BDP1: variants seen among roughly 807,000 people sequenced by gnomAD.
BDP1 encodes the protein BDP1 general transcription factor IIIB subunit.
A neutral mutation model predicts 266.6 loss-of-function variants in BDP1; 169 were observed. The ratio of observed to expected loss-of-function variants is 0.63; its 90% CI spans 0.56 to 0.72. The LOEUF (loss-of-function observed/expected upper bound fraction) is 0.72. Ranked by LOEUF, BDP1 falls within the 30% of genes least tolerant of loss-of-function variation. The pLI, the probability that BDP1 is intolerant of heterozygous loss-of-function variation, is 0.00. For synonymous variants in BDP1, 1,090 were observed against 1,022.4 expected (o/e 1.07, Z -1.26); for missense variants, 3,015 against 3,053.8 (o/e 0.99, Z 0.30).
At chr5:71,576,877 A>G in the BDP1 span, among the ~76,000 whole-genome samples, 67 of 151,264 alleles carry the variant, frequency 4.4e-4, no homozygotes, top group Non-Finnish European at 8.4e-4. Flanking sequence ...GGAAGGCAGC[A>G]TTCCCATTTA....
chr5:71,512,871 ACGCTG>A (rs1765005806), intron 18 of BDP1, among the ~76,000 whole-genome samples: 1 of 151,920 alleles, frequency 6.6e-6, no homozygotes, highest in Non-Finnish European at 1.5e-5. Flanking sequence ...CCTGGGCAAC[ACGCTG>A]TAGAAACCCC....
intron 24 of BDP1, 138 bp from the exon 25 acceptor site, chr5:71,523,801 C>A: frequency 1.2e-6 from 1 of 828,308 alleles, no homozygotes; most frequent in Non-Finnish European, 1.8e-6. Flanking sequence ...ATTTTCACAG[C>A]ATAAGATTTT....
intron 30 of BDP1, among the ~76,000 whole-genome samples, chr5:71,544,119 A>G (rs1432634746): frequency 6.6e-6 from 1 of 152,216 alleles, no homozygotes. Flanking sequence ...GGATACAATT[A>G]TCATGGCAGC....
Position 71,510,684 on chromosome 5 carries a change from A to G in BDP1, c.3592A>G (p.Thr1198Ala). The G allele has an allele frequency of 5.0e-6, 8 of 1,613,614 alleles. No homozygotes were observed. The highest frequency in any genetic ancestry group is 6.8e-6 in the Non-Finnish European group (8 of 1,179,872). The change falls in exon 17 of 39, where the codon ACA becomes GCA. Residue 1198 changes from threonine to alanine, a missense_variant. Coordinates refer to ENST00000358731, the MANE Select transcript of BDP1 (RefSeq NM_018429.3). The stretch of plus-strand genomic sequence containing the variant: ...GATTGATGCTGCTGAGGTAATAGAG[A>G]CAGATTTGGAAGAAACTGAAAGAGA... ...EVIDAAEVIE[T>A]DLEETEREIS...
intron 4 of BDP1, among the ~76,000 whole-genome samples, chr5:71,465,272 C>T: frequency 6.6e-6 from 1 of 151,452 alleles, no homozygotes; most frequent in South Asian, 2.1e-4. Flanking sequence ...TAACTATAAG[C>T]ATTATTATTA....
intron 21 of BDP1, among the ~76,000 whole-genome samples, chr5:71,516,563 T>TA (rs1176531148): frequency 6.6e-6 from 1 of 152,220 alleles, no homozygotes; most frequent in Non-Finnish European, 1.5e-5. Flanking sequence ...TGACATATCT[T>TA]ACTGGATTTA....
intron 9 of BDP1, among the ~76,000 whole-genome samples, chr5:71,488,617 C>T (rs532044792): frequency 1.5e-4 from 23 of 151,486 alleles, no homozygotes; most frequent in African/African-American, 5.1e-4. Context: ...TTAGTAGAGA[C>T]GGGGTTTCAC....
intron 5 of BDP1, 85 bp from the exon 6 acceptor site, chr5:71,467,269 C>G: frequency 8.6e-7 from 1 of 1,162,676 alleles, no homozygotes; most frequent in Non-Finnish European, 1.2e-6. Context: ...CCATGCTAAA[C>G]CTCAAAATAT....
In BDP1 at chr5:71,564,816, A is replaced by G; in HGVS notation, c.7806A>G (p.Gln2602=). ...GYKSAQKRAP[Q]GEATTVSEYF... ...AAAGTGCCCAAAAGCGGGCCCCTCA[A>G]GGGGAGGCAACCACAGTCTCTGAAT... The change falls in exon 39 of 39, where the codon CAA becomes CAG. Residue 2602 remains glutamine (Q), a synonymous_variant. Coordinates refer to ENST00000358731, the MANE Select transcript of BDP1 (RefSeq NM_018429.3). The G allele has an allele frequency of 1.9e-6, 3 of 1,611,726 alleles. No homozygotes were observed. The highest frequency in any genetic ancestry group is 2.5e-6 in the Non-Finnish European group (3 of 1,179,724).
chr5:71,468,219 A>G (rs1762018148), intron 6 of BDP1, among the ~76,000 whole-genome samples: 1 of 151,902 alleles, frequency 6.6e-6, no homozygotes, highest in African/African-American at 2.4e-5. Flanking sequence ...GGGTTTTATC[A>G]TGTTGGCCAG....
Position 71,513,380 on chromosome 5 carries a change from A to G in BDP1, c.4443A>G (p.Glu1481=). The change falls in exon 19 of 39, where the codon GAA becomes GAG. Residue 1481 remains glutamate (E), a synonymous_variant. Coordinates refer to ENST00000358731, the MANE Select transcript of BDP1 (RefSeq NM_018429.3). ...METIVMQENN[E]QTDTLPSQHD... is the part of the protein sequence containing the mutation. ...CTATTGTGATGCAAGAAAATAATGA[A>G]CAAACTGATACTCTCCCTTCTCAAC... 1 of 1,589,356 alleles carries G rather than the reference A, an allele frequency of 6.3e-7. No homozygotes were observed. The highest frequency in any genetic ancestry group is 8.6e-7 in the Non-Finnish European group (1 of 1,167,568).
intron 21 of BDP1, 107 bp downstream of exon 21, chr5:71,516,378 C>A: frequency 1.3e-6 from 1 of 769,348 alleles, no homozygotes; most frequent in South Asian, 2.2e-5. Context: ...TTATTCTACT[C>A]AATGAATACA....
chr5:71,463,962 ATTAGAAG>A, intron 3 of BDP1, 89 bp from the exon 4 acceptor site: 2 of 718,816 alleles, frequency 2.8e-6, no homozygotes, highest in Non-Finnish European at 2.3e-6. Flanking sequence ...ATCATTAAAA[ATTAGAAG>A]TTAGAATAAT....
In BDP1 at chr5:71,540,357, C is replaced by T. The variant is rs148371449; in HGVS notation, c.6022+708C>T. On this transcript the variant is annotated intron_variant, in intron 28 of 38. Transcript: ENST00000358731. Reference sequence around the variant, plus strand: ...TATTTATTTATTTGAAGCAGAGTTTCGCTCTTGTCACCCAGGCTGGAGTGC... The same window carrying T: ...TATTTATTTATTTGAAGCAGAGTTTTGCTCTTGTCACCCAGGCTGGAGTGC... 1.3e-3 allele frequency among the ~76,000 whole-genome samples: 195 copies of T among 152,148 alleles called. 2 individuals carry two copies. The highest frequency in any genetic ancestry group is 4.4e-3 in the African/African-American group (183 of 41,502).
At chr5:71,500,561 A>T (rs991433035) in intron 13 of BDP1, among the ~76,000 whole-genome samples, 1 of 151,786 alleles carries the variant, frequency 6.6e-6, no homozygotes, top group African/African-American at 2.4e-5. Context: ...TTCTGACCTC[A>T]GGTGGTCCAC....
chr5:71,557,784 C>T (rs1743332027), intron 36 of BDP1, among the ~76,000 whole-genome samples: 1 of 152,120 alleles, frequency 6.6e-6, no homozygotes, highest in Admixed American at 6.6e-5. Context: ...GCAGTCTGCC[C>T]ACCCCAGCCT....
intron 6 of BDP1, 84 bp from the exon 7 acceptor site, chr5:71,470,311 T>G: frequency 1.0e-6 from 1 of 978,698 alleles, no homozygotes; most frequent in Non-Finnish European, 1.5e-6. Flanking sequence ...TAAAATTAAG[T>G]ACTGTCAAAT....
Position 71,556,868 on chromosome 5 carries a change from T to A in BDP1, c.7201-18T>A, listed in dbSNP as rs556559251. On this transcript the variant is annotated intron_variant, in intron 35 of 38. Coordinates refer to ENST00000358731, the MANE Select transcript of BDP1 (RefSeq NM_018429.3). ...CTTGATAAATTTCTAAATTTTTTTT[T>A]AAATTTTCTTAAAATAGGTGCACTC... The A allele has an allele frequency of 1.4e-4, 185 of 1,282,530 alleles. No individual in the cohort carries two copies. Among genetic ancestry groups the A allele is most frequent in the African/African-American group, 7.5e-4 (48 of 63,862 alleles). The allele number at this position is 1,282,530 out of a possible 1,614,324, so 79.4% of individuals were successfully genotyped here.
chr5:71,535,228 G>A (rs942371805), intron 26 of BDP1, among the ~76,000 whole-genome samples: 4 of 149,096 alleles, frequency 2.7e-5, no homozygotes, highest in Non-Finnish European at 5.9e-5. Context: ...TAAAGACAGA[G>A]TCTCACTCTG....
Sources: gnomAD v4.1 joint callset for allele counts (sites outside exome capture counted in the v4.1 genomes callset) on GRCh38, gnomAD v4.1.1 for gene constraint, MANE v1.5 for transcripts, NCBI Gene and HGNC (gene_info 2026-07-23, HGNC 2026-07-21) for gene names.